The following PPP6C variants were observed in gnomAD, a reference collection of about 807,000 sequenced individuals.
The protein encoded by PPP6C is protein phosphatase 6 catalytic subunit.
PPP6C carries 11 observed loss-of-function variants against 39.8 expected under a neutral mutation model. The ratio of observed to expected loss-of-function variants is 0.28; its 90% CI spans 0.17 to 0.46. PPP6C has a LOEUF of 0.46. PPP6C is among the 20% of genes least tolerant of loss of function. PPP6C has a pLI of 1.00. For synonymous variants in PPP6C, 129 were observed against 130.3 expected (o/e 0.99, Z 0.07); for missense variants, 211 against 373.9 (o/e 0.56, Z 3.59).
chr9:125,173,087 A>G (rs10986612), intron 1 of PPP6C, among the ~76,000 whole-genome samples: 2,297 of 151,732 alleles, frequency 0.015, 109 homozygotes, highest in Admixed American at 0.082. Flanking sequence ...GACCAGCCTG[A>G]CCAACATGGC....
intron 1 of PPP6C, among the ~76,000 whole-genome samples, chr9:125,176,800 GGTA>G (rs1829307683): frequency 6.6e-6 from 1 of 152,120 alleles, no homozygotes. Flanking sequence ...GCTTGGACAG[GGTA>G]GTAGAAGTAG....
intron 1 of PPP6C, 92 bp downstream of exon 1, chr9:125,189,552 G>A: frequency 6.3e-7 from 1 of 1,587,332 alleles, no homozygotes. Context: ...ACCGCGACTG[G>A]ACTGGATACC....
At chr9:125,175,409 C>G (rs1395630991) in intron 1 of PPP6C, among the ~76,000 whole-genome samples, 1 of 151,444 alleles carries the variant, frequency 6.6e-6, no homozygotes, top group African/African-American at 2.4e-5. Flanking sequence ...GAGGCCGAGG[C>G]GGGTGGATCA....
chr9:125,168,322 C>G (rs146887605), intron 2 of PPP6C, among the ~76,000 whole-genome samples: 1 of 152,196 alleles, frequency 6.6e-6, no homozygotes, highest in East Asian at 1.9e-4. Context: ...CATGTTTATT[C>G]ATACTCATAA....
intron 2 of PPP6C, among the ~76,000 whole-genome samples, chr9:125,168,822 A>G (rs1050400250): frequency 6.7e-6 from 1 of 148,304 alleles, no homozygotes. Flanking sequence ...GGTGCAATGC[A>G]TGATCTCGGT....
At chr9:125,170,255 T>A (rs928919046) in intron 2 of PPP6C, among the ~76,000 whole-genome samples, 3 of 151,770 alleles carry the variant, frequency 2.0e-5, no homozygotes, top group African/African-American at 7.3e-5. Context: ...TTTTTTTTTT[T>A]AGACAGAGTC....
intron 1 of PPP6C, among the ~76,000 whole-genome samples, chr9:125,177,972 G>A (rs1447789148): frequency 6.6e-6 from 1 of 152,028 alleles, no homozygotes; most frequent in Admixed American, 6.6e-5. Flanking sequence ...GTCTTTTTAT[G>A]GCTTGATAGC....
intron 2 of PPP6C, among the ~76,000 whole-genome samples, chr9:125,169,470 C>G (rs952181860): frequency 6.6e-6 from 1 of 152,206 alleles, no homozygotes; most frequent in African/African-American, 2.4e-5. Flanking sequence ...AAGTCTACAA[C>G]TGGGGGAAAC....
chr9:125,172,552 C>T (rs1291801121), intron 1 of PPP6C, among the ~76,000 whole-genome samples: 1 of 152,044 alleles, frequency 6.6e-6, no homozygotes, highest in Non-Finnish European at 1.5e-5. Context: ...AAATGGAGAA[C>T]GGATTAGTTG....
chr9:125,156,746 T>G (rs891894929), intron 4 of PPP6C, among the ~76,000 whole-genome samples: 54 of 116,020 alleles, frequency 4.7e-4, no homozygotes, highest in African/African-American at 1.5e-3. Context: ...ATAAGCTCGC[T>G]CTCTCTCTCT....
intron 1 of PPP6C, among the ~76,000 whole-genome samples, chr9:125,189,126 G>A (rs1268743538): frequency 6.6e-6 from 1 of 152,048 alleles, no homozygotes; most frequent in Non-Finnish European, 1.5e-5. Flanking sequence ...CCTGACGTTC[G>A]CTCCCGCCAG....
intron 1 of PPP6C, chr9:125,171,960 T>C (rs916420622): frequency 3.0e-5 from 14 of 467,446 alleles, no homozygotes; most frequent in Non-Finnish European, 6.2e-5. Flanking sequence ...TCAAAATCTG[T>C]ATATAAATAC....
At chr9:125,183,723 C>T (rs1487628628) in intron 1 of PPP6C, among the ~76,000 whole-genome samples, 1 of 152,060 alleles carries the variant, frequency 6.6e-6, no homozygotes, top group Middle Eastern at 3.2e-3. Context: ...ATGTTCTTTC[C>T]TTCTCATTTT....
intron 4 of PPP6C, among the ~76,000 whole-genome samples, chr9:125,156,975 G>A (rs768467597): frequency 2.0e-4 from 30 of 152,006 alleles, no homozygotes; most frequent in Middle Eastern, 3.4e-3. Flanking sequence ...CACCATGCCC[G>A]GCTAAATTTT....
rs548432329 is a variant in PPP6C at position 125,150,923 on chromosome 9, C to T, written c.670-1002G>A. 1,403 of 1,027,130 alleles carry T rather than the reference C, an allele frequency of 1.4e-3. 4 individuals are homozygous for T. Among genetic ancestry groups the T allele is most frequent in the South Asian group, 3.8e-3 (298 of 79,154 alleles). 63.6% of individuals were successfully genotyped at this position (1,027,130 alleles called of 1,614,324 possible). A position where few individuals can be genotyped will look rare whatever the true frequency, so the allele number is the denominator to read the frequency against. The stretch of plus-strand genomic sequence containing the variant: ...AGCTTACTGCAGTCATCCCATGCTT[C>T]CCTTATGCCCAGCAGGATAATAAAG... On this transcript the variant is annotated intron_variant, in intron 6 of 6. Transcript: ENST00000373547.
intron 6 of PPP6C, 130 bp downstream of exon 6, chr9:125,153,403 G>C: frequency 1.2e-6 from 1 of 847,630 alleles, no homozygotes; most frequent in Non-Finnish European, 1.8e-6. Context: ...AACTAAACTA[G>C]AAATTTAATA....
intron 2 of PPP6C, among the ~76,000 whole-genome samples, chr9:125,163,373 T>C (rs1337462286): frequency 6.6e-6 from 1 of 152,196 alleles, no homozygotes; most frequent in African/African-American, 2.4e-5. Flanking sequence ...TTAATAAAAA[T>C]ATGGTAGAAG....
intron 6 of PPP6C, chr9:125,150,578 C>T: frequency 1.5e-6 from 1 of 687,934 alleles, no homozygotes; most frequent in Non-Finnish European, 2.5e-6. Flanking sequence ...AGTCTCTGGG[C>T]CGACTTTGGT....
chr9:125,181,680 AT>A (rs1199606569), intron 1 of PPP6C, among the ~76,000 whole-genome samples: 2 of 152,122 alleles, frequency 1.3e-5, no homozygotes, highest in African/African-American at 4.8e-5. Flanking sequence ...TATGTGCCAC[AT>A]TTTCTTTAAC....
Sources: allele counts gnomAD v4.1 joint callset (sites outside exome capture counted in the v4.1 genomes callset), GRCh38; gene constraint gnomAD v4.1.1; transcripts MANE v1.5; gene names NCBI Gene and HGNC (gene_info 2026-07-23, HGNC 2026-07-21).